BTBD9: variants seen among roughly 807,000 people sequenced by gnomAD.
The protein encoded by BTBD9 is BTB domain containing 9, also known as BTB/POZ domain-containing protein 9.
Under a neutral mutation model 64.3 loss-of-function variants are expected in BTBD9, and 49 were observed. The observed-to-expected ratio is 0.76, with a 90% confidence interval of 0.61 to 0.97. BTBD9 has a LOEUF of 0.97. BTBD9 is among the 50% of genes least tolerant of loss of function. The pLI is 0.00. For synonymous variants in BTBD9, 260 were observed against 274.7 expected, an observed-to-expected ratio of 0.95 and a Z score of 0.53; for missense variants, 598 against 762.1, an observed-to-expected ratio of 0.78 and a Z score of 2.53.
intron 6 of BTBD9, among the ~76,000 whole-genome samples, chr6:38,495,047 C>T (rs1014171589): frequency 1.3e-5 from 2 of 152,118 alleles, no homozygotes; most frequent in South Asian, 2.1e-4. Context: ...TTTCCCTTTT[C>T]TGCCTACCCA....
chr6:38,634,272 A>G (rs1778458492), intron 1 of BTBD9, among the ~76,000 whole-genome samples: 1 of 152,196 alleles, frequency 6.6e-6, no homozygotes, highest in Admixed American at 6.5e-5. Flanking sequence ...TAGGACTAAC[A>G]TGTGTGCTAT....
At chr6:38,367,825 A>C (rs950263696) in intron 6 of BTBD9, among the ~76,000 whole-genome samples, 131 of 144,546 alleles carry the variant, frequency 9.1e-4, no homozygotes, top group African/African-American at 2.9e-3. Context: ...AAAAAAAAAA[A>C]AAAAAACCAT....
intron 9 of BTBD9, chr6:38,207,248 GA>G: frequency 4.5e-6 from 1 of 221,660 alleles, no homozygotes. Context: ...CCAAGGTACA[GA>G]AAAATCTGTG....
Position 38,180,793 on chromosome 6 carries a change from G to A in BTBD9, c.1642-5611C>T, listed in dbSNP as rs963878561. Among the ~76,000 whole-genome samples, 7 of 152,180 alleles carry A rather than the reference G, an allele frequency of 4.6e-5. No homozygotes were observed. In the East Asian group the frequency reaches 7.7e-4, roughly 17 times the overall value. On this transcript the variant is annotated intron_variant, in intron 10 of 10. Transcript: ENST00000481247. ...CCGCTGCTCACAAAGGGGCGCCTTC[G>A]CTGAACCGTCTTCAATGGCCTCTGG...
At chr6:38,393,091 G>A (rs1244665200) in intron 6 of BTBD9, among the ~76,000 whole-genome samples, 1 of 152,088 alleles carries the variant, frequency 6.6e-6, no homozygotes, top group Non-Finnish European at 1.5e-5. Flanking sequence ...GGCTAGGCTG[G>A]TCTTGAACTC....
intron 6 of BTBD9, among the ~76,000 whole-genome samples, chr6:38,564,699 T>C (rs992705414): frequency 3.9e-5 from 6 of 152,060 alleles, no homozygotes; most frequent in Non-Finnish European, 7.4e-5. Context: ...CCATCCTGGC[T>C]AACATGGTGA....
intron 6 of BTBD9, among the ~76,000 whole-genome samples, chr6:38,381,988 T>C (rs1765954588): frequency 6.6e-6 from 1 of 152,192 alleles, no homozygotes; most frequent in African/African-American, 2.4e-5. Context: ...CTAAAAATAG[T>C]GTAGTAAGAG....
rs1411889423 is a variant in BTBD9, at chr6:38,376,006, G to A, written c.1155-30913C>T. 2.0e-5 allele frequency among the ~76,000 whole-genome samples: 3 copies of A among 152,070 alleles called. 1 individual carries two copies. Among genetic ancestry groups the A allele is most frequent in the Non-Finnish European group, 1.5e-5 (1 of 68,008 alleles). On this transcript the variant is annotated intron_variant, in intron 6 of 10. Transcript: ENST00000481247. ...AACTATGACAAGAAAATAAAACTAAGTCTGCTGTCTTATATGTCATGTTCA... is the reference window on the plus strand; with the variant it reads ...AACTATGACAAGAAAATAAAACTAAATCTGCTGTCTTATATGTCATGTTCA...
At chr6:38,566,622 T>C (rs995989858) in intron 6 of BTBD9, among the ~76,000 whole-genome samples, 4 of 152,180 alleles carry the variant, frequency 2.6e-5, no homozygotes, top group African/African-American at 9.7e-5. Context: ...AATCGAAATA[T>C]TCGTTGACAG....
intron 7 of BTBD9, among the ~76,000 whole-genome samples, chr6:38,335,601 T>C (rs1763861751): frequency 6.6e-6 from 1 of 151,930 alleles, no homozygotes; most frequent in Admixed American, 6.6e-5. Context: ...AGTCTTGCTC[T>C]GTTGCCAAGG....
intron 2 of BTBD9, among the ~76,000 whole-genome samples, chr6:38,596,504 A>T (rs1053254103): frequency 2.0e-5 from 3 of 152,216 alleles, no homozygotes; most frequent in Non-Finnish European, 4.4e-5. Context: ...CTGACTTAAT[A>T]AAAAGTGGGC....
intron 9 of BTBD9, among the ~76,000 whole-genome samples, chr6:38,251,784 T>C (rs569482512): frequency 6.6e-6 from 1 of 150,494 alleles, no homozygotes; most frequent in South Asian, 2.1e-4. Flanking sequence ...CTCAACTACT[T>C]GGGAGACTGA....
chr6:38,618,833 C>CAGCCCAAGAGTCTGG (rs1279478021), intron 1 of BTBD9, among the ~76,000 whole-genome samples: 1 of 152,180 alleles, frequency 6.6e-6, no homozygotes, highest in Non-Finnish European at 1.5e-5. Context: ...GCTTAAGCTG[C>CAGCCCAAGAGTCTGG]AGCCCAAGAG....
chr6:38,200,955 G>A (rs985037130), intron 9 of BTBD9, among the ~76,000 whole-genome samples: 5 of 152,180 alleles, frequency 3.3e-5, no homozygotes, highest in East Asian at 1.9e-4. Context: ...GGGAGTTTGC[G>A]ATTGCAGTGA....
At chr6:38,196,064 C>A (rs917573647) in intron 9 of BTBD9, among the ~76,000 whole-genome samples, 7 of 152,218 alleles carry the variant, frequency 4.6e-5, no homozygotes, top group Admixed American at 3.3e-4. Flanking sequence ...ATTATTACGC[C>A]AAGTATTCCA....
At chr6:38,472,033 C>T (rs1034776460) in intron 6 of BTBD9, among the ~76,000 whole-genome samples, 7 of 152,190 alleles carry the variant, frequency 4.6e-5, no homozygotes, top group African/African-American at 1.7e-4. Flanking sequence ...CACTTTGCCT[C>T]TGTAGAAAAT....
chr6:38,210,536 T>TG (rs1762794279), intron 9 of BTBD9, among the ~76,000 whole-genome samples: 23 of 146,348 alleles, frequency 1.6e-4, no homozygotes, highest in African/African-American at 5.9e-4. Context: ...GTGCGTGTGT[T>TG]TGTGTGTGTG....
chr6:38,451,332 G>C (rs1212883650), intron 6 of BTBD9, among the ~76,000 whole-genome samples: 1 of 152,184 alleles, frequency 6.6e-6, no homozygotes. Flanking sequence ...TAAAGTGCAA[G>C]TTCTTTGAAG....
intron 1 of BTBD9, among the ~76,000 whole-genome samples, chr6:38,601,884 T>C (rs1777254165): frequency 1.3e-5 from 2 of 151,958 alleles, no homozygotes; most frequent in Admixed American, 6.5e-5. Flanking sequence ...ATATCTAGCA[T>C]TCTTCCATGC....
Sources: allele counts gnomAD v4.1 joint callset (sites outside exome capture counted in the v4.1 genomes callset), GRCh38; gene constraint gnomAD v4.1.1; transcripts MANE v1.5; gene names NCBI Gene and HGNC (gene_info 2026-07-23, HGNC 2026-07-21).